SLC25A13: variants seen among roughly 807,000 people sequenced by gnomAD.
SLC25A13 encodes the protein solute carrier family 25 member 13.
In SLC25A13, 70 loss-of-function variants were observed where a neutral mutation model predicts 85.5. That is an observed-to-expected ratio of 0.82 (90% CI 0.68 to 1.00). The LOEUF (loss-of-function observed/expected upper bound fraction) is 1.00, where lower values mean the gene tolerates loss of function less well. SLC25A13 is among the 50% of genes least tolerant of loss of function. The pLI, the probability that SLC25A13 is intolerant of heterozygous loss-of-function variation, is 0.00. For missense variants in SLC25A13, 765 were observed against 819.8 expected, an observed-to-expected ratio of 0.93 and a Z score of 0.82; for synonymous variants, 259 against 288.7, an observed-to-expected ratio of 0.90 and a Z score of 1.04.
At chr7:96,209,353 T>TACACACACACACACATACACAC (rs1795599904) in intron 4 of SLC25A13, among the ~76,000 whole-genome samples, 1 of 145,444 alleles carries the variant, frequency 6.9e-6, no homozygotes, top group Non-Finnish European at 1.5e-5. Flanking sequence ...GGAAAACACA[T>TACACACACACACACATACACAC]ACACACACAC....
intron 3 of SLC25A13, among the ~76,000 whole-genome samples, chr7:96,270,109 G>C (rs7781889): frequency 0.61 from 92,334 of 152,070 alleles, 28,701 homozygotes; most frequent in Non-Finnish European, 0.67. Context: ...ATTGCTAAGA[G>C]TAGATTTTAA....
intron 2 of SLC25A13, among the ~76,000 whole-genome samples, chr7:96,295,035 C>T (rs1278504790): frequency 6.6e-6 from 1 of 152,080 alleles, no homozygotes; most frequent in Non-Finnish European, 1.5e-5. Context: ...CTCACTGAAT[C>T]GTTACAATTT....
At chr7:96,270,698 C>T (rs1449382340) in intron 3 of SLC25A13, among the ~76,000 whole-genome samples, 1 of 152,098 alleles carries the variant, frequency 6.6e-6, no homozygotes, top group Admixed American at 6.6e-5. Flanking sequence ...GACCCTTTGT[C>T]TAAAAATAAA....
chr7:96,293,619 G>C (rs1584581405), intron 2 of SLC25A13, among the ~76,000 whole-genome samples: 1 of 152,204 alleles, frequency 6.6e-6, no homozygotes, highest in African/African-American at 2.4e-5. Flanking sequence ...AGTGGGTGAA[G>C]GATGTGAACA....
intron 14 of SLC25A13, among the ~76,000 whole-genome samples, chr7:96,138,862 G>A (rs1792404229): frequency 6.6e-6 from 1 of 151,896 alleles, no homozygotes; most frequent in African/African-American, 2.4e-5. Context: ...AATTCCTCTG[G>A]GCATTGTTTT....
chr7:96,170,845 T>C (rs950431138), intron 12 of SLC25A13, among the ~76,000 whole-genome samples: 3 of 152,182 alleles, frequency 2.0e-5, no homozygotes, highest in Non-Finnish European at 4.4e-5. Context: ...GATGCAAATA[T>C]TTGTATATTC....
intron 4 of SLC25A13, among the ~76,000 whole-genome samples, chr7:96,233,064 G>C (rs73710232): frequency 0.013 from 2,013 of 152,254 alleles, 47 homozygotes; most frequent in African/African-American, 0.047. Flanking sequence ...CACTTCACAC[G>C]CATGAAGGGA....
intron 3 of SLC25A13, among the ~76,000 whole-genome samples, chr7:96,252,528 T>C (rs1797472520): frequency 1.3e-5 from 2 of 151,786 alleles, no homozygotes; most frequent in African/African-American, 4.8e-5. Flanking sequence ...GACATAAAAG[T>C]AGAAGTTATG....
rs539246542 is a variant in SLC25A13, at chr7:96,229,864, C to T, written c.328+4938G>A. ...TCTTTAAGAACTGTAACACTCACCA[C>T]GAGGGTCCGCAGCTTCATCCTTGAA... On this transcript the variant is annotated intron_variant, in intron 4 of 17. Transcript: ENST00000265631. Among the ~76,000 whole-genome samples, 8 of 152,296 alleles carry T rather than the reference C, an allele frequency of 5.3e-5. No homozygotes were observed. The East Asian group carries it at 5.8e-4, about 11-fold the overall frequency.
chr7:96,252,041 C>T (rs1265808298), intron 3 of SLC25A13, among the ~76,000 whole-genome samples: 1 of 152,136 alleles, frequency 6.6e-6, no homozygotes. Context: ...TTCTATATGA[C>T]TTTATGAAAC....
chr7:96,245,658 G>C (rs760999182), intron 3 of SLC25A13, among the ~76,000 whole-genome samples: 6 of 152,110 alleles, frequency 3.9e-5, no homozygotes, highest in Middle Eastern at 3.4e-3. Flanking sequence ...TTACATCATG[G>C]ATATTTTGAG....
At chr7:96,233,574 G>A (rs144294839) in intron 4 of SLC25A13, among the ~76,000 whole-genome samples, 5 of 152,206 alleles carry the variant, frequency 3.3e-5, no homozygotes, top group East Asian at 1.9e-4. Flanking sequence ...TGAGTATGAC[G>A]GAATGGCGAA....
chr7:96,158,186 C>T (rs1412882746), intron 13 of SLC25A13, among the ~76,000 whole-genome samples: 1 of 152,128 alleles, frequency 6.6e-6, no homozygotes, highest in Non-Finnish European at 1.5e-5. Context: ...GGTAGTATTC[C>T]TGAACATTTT....
At chr7:96,184,208 G>T in intron 11 of SLC25A13, 69 bp downstream of exon 11, 1 of 1,549,776 alleles carries the variant, frequency 6.5e-7, no homozygotes, top group Non-Finnish European at 8.9e-7. Flanking sequence ...TTCATGTCAG[G>T]CACTAAGATG....
intron 3 of SLC25A13, among the ~76,000 whole-genome samples, chr7:96,264,490 C>A (rs549422820): frequency 4.5e-4 from 69 of 152,318 alleles, no homozygotes; most frequent in African/African-American, 1.6e-3. Flanking sequence ...TAGTCTCTAT[C>A]TTCTCTTCTA....
At chr7:96,239,037 T>TTATATATATATATATATATATATATA (rs58990918) in intron 3 of SLC25A13, among the ~76,000 whole-genome samples, 6 of 130,898 alleles carry the variant, frequency 4.6e-5, no homozygotes, top group South Asian at 2.5e-4. Context: ...ACTATATATT[T>TTATATATATATATATATATATATATA]TATATATATA....
At chr7:96,129,711 TGTAAG>T (rs1467543924) in intron 15 of SLC25A13, among the ~76,000 whole-genome samples, 23 of 152,340 alleles carry the variant, frequency 1.5e-4, no homozygotes, top group Middle Eastern at 6.8e-3. Flanking sequence ...ATAATAATCT[TGTAAG>T]GTAAGACTAT....
intron 2 of SLC25A13, chr7:96,283,501 C>G: frequency 2.5e-6 from 1 of 399,306 alleles, no homozygotes; most frequent in Non-Finnish European, 4.9e-6. Context: ...GAGTACTGTT[C>G]AAAAAGGAAT....
intron 14 of SLC25A13, among the ~76,000 whole-genome samples, chr7:96,143,245 T>C (rs1264007730): frequency 6.6e-6 from 1 of 152,180 alleles, no homozygotes; most frequent in East Asian, 1.9e-4. Flanking sequence ...ATTCCTAAAG[T>C]ATAATTTGTC....
Sources: allele counts gnomAD v4.1 joint callset (sites outside exome capture counted in the v4.1 genomes callset), GRCh38; gene constraint gnomAD v4.1.1; transcripts MANE v1.5; gene names NCBI Gene and HGNC (gene_info 2026-07-23, HGNC 2026-07-21).